LRRC28: variants seen among roughly 807,000 people sequenced by gnomAD.
The protein encoded by LRRC28 is leucine rich repeat containing 28.
Under a neutral mutation model 45.7 loss-of-function variants are expected in LRRC28, and 39 were observed. That is an observed-to-expected ratio of 0.85 (90% confidence interval 0.66 to 1.12). The LOEUF (loss-of-function observed/expected upper bound fraction) is 1.12, where lower values mean the gene tolerates loss of function less well. LRRC28 is among the 50% of genes most tolerant of loss of function. The pLI is 0.00. For synonymous variants in LRRC28, 206 were observed against 178.8 expected (o/e 1.15, Z -1.22); for missense variants, 435 against 438.5 (o/e 0.99, Z 0.07).
chr15:99,346,098 C>A (rs948095512), intron 6 of LRRC28, among the ~76,000 whole-genome samples: 2 of 152,208 alleles, frequency 1.3e-5, no homozygotes, highest in Admixed American at 6.5e-5. Context: ...CCTCCTGCCT[C>A]AGCTTCCTGA....
At chr15:99,356,010 G>T (rs1320596498) in intron 7 of LRRC28, among the ~76,000 whole-genome samples, 6 of 152,232 alleles carry the variant, frequency 3.9e-5, no homozygotes, top group African/African-American at 1.4e-4. Context: ...GGCTGCAGAT[G>T]AAAGTACTCA....
intron 1 of LRRC28, among the ~76,000 whole-genome samples, chr15:99,254,317 A>G (rs1464276662): frequency 6.6e-6 from 1 of 152,246 alleles, no homozygotes; most frequent in African/African-American, 2.4e-5. Flanking sequence ...GCCTTTTTAT[A>G]TAAAATGGCA....
chr15:99,321,379 A>C (rs965907430), intron 5 of LRRC28, among the ~76,000 whole-genome samples: 1 of 152,214 alleles, frequency 6.6e-6, no homozygotes, highest in African/African-American at 2.4e-5. Flanking sequence ...TGTGTCAGCT[A>C]TATAGCAGAT....
chr15:99,351,086 A>T (rs1475889640), intron 6 of LRRC28, among the ~76,000 whole-genome samples: 1 of 151,970 alleles, frequency 6.6e-6, no homozygotes, highest in African/African-American at 2.4e-5. Flanking sequence ...AGGCATAAGC[A>T]CCACCACCCC....
chr15:99,285,755 G>A (rs978567779), intron 3 of LRRC28: 24 of 524,942 alleles, frequency 4.6e-5, no homozygotes, highest in Middle Eastern at 2.9e-4. Flanking sequence ...ACATTTTAAC[G>A]TCTTTTTTAT....
intron 1 of LRRC28, among the ~76,000 whole-genome samples, chr15:99,255,656 C>T (rs1427692911): frequency 6.6e-6 from 1 of 151,932 alleles, no homozygotes; most frequent in Admixed American, 6.5e-5. Flanking sequence ...TATTTTTTTC[C>T]ATTAGGACTA....
At chr15:99,339,475 A>G (rs1449034779) in intron 6 of LRRC28, among the ~76,000 whole-genome samples, 1 of 152,234 alleles carries the variant, frequency 6.6e-6, no homozygotes, top group Non-Finnish European at 1.5e-5. Flanking sequence ...TCACGCCTGT[A>G]ATCCCAACAC....
chr15:99,317,172 A>T (rs1375728348), intron 5 of LRRC28, among the ~76,000 whole-genome samples: 8 of 152,226 alleles, frequency 5.3e-5, no homozygotes, highest in Non-Finnish European at 1.5e-5. Flanking sequence ...AGGGTCCAAA[A>T]TAATTCCTTT....
At chr15:99,342,571 T>C (rs1956551492) in intron 6 of LRRC28, among the ~76,000 whole-genome samples, 1 of 152,218 alleles carries the variant, frequency 6.6e-6, no homozygotes, top group South Asian at 2.1e-4. Context: ...CAATATGAAC[T>C]GTTTTACTCT....
At position 99,251,508 on chromosome 15, in the gene LRRC28, TGCGCTCCGGAGCGCTGGCTCTGCTG is replaced by T. The variant is rs2080770858; in HGVS notation, c.-88_-64del. 6.6e-6 allele frequency: 1 copy of T among 151,942 alleles called. No homozygotes were observed. Among genetic ancestry groups the T allele is most frequent in the Admixed American group, 6.6e-5 (1 of 15,264 alleles). The allele number at this position is 151,942 out of a possible 1,614,324, so 9.4% of individuals were successfully genotyped here. On this transcript the variant is annotated 5_prime_UTR_variant, in exon 1 of 10. Coordinates refer to ENST00000301981, the MANE Select transcript of LRRC28 (RefSeq NM_144598.5). ...CCCCCGCTTGGCTTCCAGCGCCGCT[TGCGCTCCGGAGCGCTGGCTCTGCTG>T]GCGCTGAGGTGAGTAGAGCTGTCCG...
chr15:99,316,208 T>C (rs1167127924), intron 5 of LRRC28, among the ~76,000 whole-genome samples: 1 of 152,216 alleles, frequency 6.6e-6, no homozygotes, highest in Non-Finnish European at 1.5e-5. Context: ...ATTTCATCCA[T>C]ACTTTTGGTT....
At chr15:99,380,435 G>T (rs1231876556) in intron 9 of LRRC28, among the ~76,000 whole-genome samples, 1 of 152,160 alleles carries the variant, frequency 6.6e-6, no homozygotes, top group Non-Finnish European at 1.5e-5. Flanking sequence ...GTGTGTCTCT[G>T]CACATGAGAT....
chr15:99,314,438 TAAATAAA>T (rs781731941), intron 5 of LRRC28, among the ~76,000 whole-genome samples: 18,601 of 69,186 alleles, frequency 0.27, 1,239 homozygotes, highest in African/African-American at 0.41. Flanking sequence ...ACCTTGTCTC[TAAATAAA>T]TAAATAAATA....
At chr15:99,296,889 G>A (rs1294999523) in intron 5 of LRRC28, among the ~76,000 whole-genome samples, 2 of 152,132 alleles carry the variant, frequency 1.3e-5, no homozygotes, top group African/African-American at 4.8e-5. Context: ...GTGTGTTATT[G>A]TAGCTAGTGA....
At position 99,258,350 on chromosome 15, in the gene LRRC28, G is replaced by C. The variant is rs536771819; in HGVS notation, c.168+2225G>C. The C allele has an allele frequency of 3.0e-5, 40 of 1,350,338 alleles. No individual in the cohort carries two copies. The East Asian group carries it at 9.1e-4, about 31-fold the overall frequency. The allele number at this position is 1,350,338 out of a possible 1,614,324, so 83.6% of individuals were successfully genotyped here. On this transcript the variant is annotated intron_variant, in intron 2 of 9. Coordinates refer to ENST00000301981, the MANE Select transcript of LRRC28 (RefSeq NM_144598.5). ...CCCAAGAGGAAACACTCTAGGACGG[G>C]GAACGACCATTACCCTTGTCTTAAA...
In LRRC28 at chr15:99,363,220, A is replaced by C. The variant is rs767780775; in HGVS notation, c.986A>C (p.Lys329Thr). 1 of 1,614,024 alleles carries C rather than the reference A, an allele frequency of 6.2e-7. No individual in the cohort carries two copies. The highest frequency in any genetic ancestry group is 1.1e-5 in the South Asian group (1 of 91,078). ...CCTATGTTTACCATCGTCTACCCCA[A>C]GCTCTTTCCCTTGAGAGAGACGCCA... ...SEPMFTIVYP[K>T]LFPLRETPMA... Residue 329 changes from lysine to threonine, a missense_variant, in exon 9 of 10, where the codon AAG becomes ACG. Lys to Thr is a moderately conservative substitution (Grantham distance 78). Transcript: ENST00000301981.
Position 99,318,632 on chromosome 15 carries a change from T to C in LRRC28, c.386-15291T>C, listed in dbSNP as rs74033463. 2.4e-3 allele frequency among the ~76,000 whole-genome samples: 370 copies of C among 152,220 alleles called. 2 individuals carry two copies. The highest frequency in any genetic ancestry group is 8.4e-3 in the African/African-American group (350 of 41,584). ...AGGCAGTAAATTTAGAGACTTTGCT[T>C]TTGTATTAAGATTAATAACCAATAT... On this transcript the variant is annotated intron_variant, in intron 5 of 9. Transcript: ENST00000301981.
chr15:99,256,956 G>A (rs1214482736), intron 2 of LRRC28, among the ~76,000 whole-genome samples: 1 of 152,108 alleles, frequency 6.6e-6, no homozygotes, highest in Non-Finnish European at 1.5e-5. Flanking sequence ...CATTTTAGAT[G>A]ATTTATGAAA....
chr15:99,263,669 C>T (rs559809683), intron 2 of LRRC28, among the ~76,000 whole-genome samples: 4 of 152,266 alleles, frequency 2.6e-5, no homozygotes, highest in Non-Finnish European at 5.9e-5. Context: ...GTGTAGTACA[C>T]GTAATTTCAT....
Sources: gnomAD v4.1 joint callset for allele counts (sites outside exome capture counted in the v4.1 genomes callset) on GRCh38, gnomAD v4.1.1 for gene constraint, MANE v1.5 for transcripts, NCBI Gene and HGNC (gene_info 2026-07-23, HGNC 2026-07-21) for gene names.